Variants in CNMD observed in about 807,000 individuals in gnomAD.
The protein encoded by CNMD is chondromodulin.
In CNMD, 30 loss-of-function variants were observed where a neutral mutation model predicts 37.5. The ratio of observed to expected loss-of-function variants is 0.80; its 90% CI spans 0.60 to 1.09. The LOEUF is 1.09. Ranked by LOEUF, CNMD falls within the 50% of genes least tolerant of loss-of-function variation. The pLI, the probability that CNMD is intolerant of heterozygous loss-of-function variation, is 0.00. For synonymous variants in CNMD, 167 were observed against 148.2 expected, an observed-to-expected ratio of 1.13 and a Z score of -0.92; for missense variants, 398 against 423.9, an observed-to-expected ratio of 0.94 and a Z score of 0.54.
Position 52,703,747 on chromosome 13 carries a change from C to G in CNMD, c.853G>C (p.Glu285Gln), listed in dbSNP as rs747339310. Residue 285 changes from glutamate (E) to glutamine (Q), a missense_variant, in exon 7 of 7, where the codon GAA (glutamate) becomes CAA (glutamine). Glu to Gln is a conservative substitution (Grantham distance 29). Transcript: ENST00000377962. Reference protein sequence around the residue: ...RLDHEGICCIECRRSYTHCQK... With the variant: ...RLDHEGICCIQCRRSYTHCQK... The stretch of plus-strand genomic sequence containing the variant: ...CAGTGGGTGTAGCTCCGCCTACATT[C>G]TATACAACAGATTCCTTCGTGATCC... The G allele has an allele frequency of 8.7e-6, 14 of 1,614,080 alleles. No individual in the cohort carries two copies. The Admixed American group carries it at 1.0e-4, about 12-fold the overall frequency.
rs1964854617 is a variant in CNMD, at chr13:52,739,711, G to A, written c.-10C>T. ...CGGAGTTCTCTGTCATGTTTGCGGC[G>A]GGAGGAGTGAGGCACTTGGAGACTC... is the stretch of plus-strand genomic sequence containing the variant. On this transcript the variant is annotated 5_prime_UTR_variant, in exon 1 of 7. Coordinates refer to ENST00000377962, the MANE Select transcript of CNMD (RefSeq NM_007015.3). This position sits in a 1 kb window ranked among gnomAD's most constrained non-coding sequence, Gnocchi z 5.4. 2 of 1,613,706 alleles carry A rather than the reference G, an allele frequency of 1.2e-6. No individual in the cohort carries two copies. The highest frequency in any genetic ancestry group is 8.5e-7 in the Non-Finnish European group (1 of 1,179,680).
intron 5 of CNMD, among the ~76,000 whole-genome samples, chr13:52,711,538 G>A (rs569126310): frequency 6.6e-6 from 1 of 152,276 alleles, no homozygotes; most frequent in Non-Finnish European, 1.5e-5. Context: ...AGCCCACTGT[G>A]CTGGGCAGCT....
In CNMD at chr13:52,703,515, A is replaced by C. The variant is rs1464681244; in HGVS notation, c.*80T>G. On this transcript the variant is annotated 3_prime_UTR_variant, in exon 7 of 7. Coordinates refer to ENST00000377962, the MANE Select transcript of CNMD (RefSeq NM_007015.3). ...TGTAAAAATATTTTGTGGTCCTATC[A>C]GCATCAACCTGCCTTAATGCTTCTT... 2 of 950,204 alleles carry C rather than the reference A, an allele frequency of 2.1e-6. No individual in the cohort carries two copies. The highest frequency in any genetic ancestry group is 2.4e-5 in the East Asian group (1 of 41,122). The allele number at this position is 950,204 out of a possible 1,614,324, so 58.9% of individuals were successfully genotyped here.
chr13:52,704,387 G>A (rs552186225), intron 6 of CNMD, among the ~76,000 whole-genome samples: 39 of 152,030 alleles, frequency 2.6e-4, no homozygotes, highest in Admixed American at 3.9e-4. Context: ...GGGACAAAGG[G>A]GTCTCAGGAA....
At chr13:52,722,691 A>C (rs1417415893) in intron 4 of CNMD, among the ~76,000 whole-genome samples, 1 of 152,248 alleles carries the variant, frequency 6.6e-6, no homozygotes, top group African/African-American at 2.4e-5. Context: ...CTACCATTAA[A>C]AGTAAGGTAT....
chr13:52,717,929 C>G (rs934477032), intron 4 of CNMD, among the ~76,000 whole-genome samples: 24 of 152,152 alleles, frequency 1.6e-4, no homozygotes, highest in Admixed American at 5.9e-4. Flanking sequence ...ACCAGCTCCT[C>G]TTTGTACCTC....
At chr13:52,734,264 C>T (rs1048497849) in intron 2 of CNMD, among the ~76,000 whole-genome samples, 3 of 152,294 alleles carry the variant, frequency 2.0e-5, no homozygotes, top group African/African-American at 7.2e-5. Flanking sequence ...GTTGGGATCT[C>T]CCGGGCATGG....
rs748967137 is a variant in CNMD, at chr13:52,703,737, C to T, written c.863G>A (p.Arg288Gln). The T allele has an allele frequency of 1.1e-5, 17 of 1,614,104 alleles. No individual in the cohort carries two copies. The highest frequency in any genetic ancestry group is 2.7e-5 in the African/African-American group (2 of 75,030). Reference protein sequence around the residue: ...HEGICCIECRRSYTHCQKICE... With the variant: ...HEGICCIECRQSYTHCQKICE... ...GATCTTCTGGCAGTGGGTGTAGCTCCGCCTACATTCTATACAACAGATTCC... is the reference window on the plus strand; with the variant it reads ...GATCTTCTGGCAGTGGGTGTAGCTCTGCCTACATTCTATACAACAGATTCC... The change falls in exon 7 of 7, where the codon CGG becomes CAG. Residue 288 changes from arginine (R) to glutamine (Q), a missense_variant. By Grantham distance (43) the Arg-to-Gln change is conservative. Coordinates refer to ENST00000377962, the MANE Select transcript of CNMD (RefSeq NM_007015.3).
Position 52,712,772 on chromosome 13 carries a change from AC to A in CNMD, c.565del (p.Val189CysfsTer2). 2 of 1,586,048 alleles carry A rather than the reference AC, an allele frequency of 1.3e-6. No individual in the cohort carries two copies. The highest frequency in any genetic ancestry group is 4.5e-5 in the East Asian group (2 of 44,034). On this transcript the variant is annotated frameshift_variant, in exon 5 of 7. Coordinates refer to ENST00000377962, the MANE Select transcript of CNMD (RefSeq NM_007015.3). LOFTEE classifies it high-confidence loss of function. ...VKDNSFLSSK[V>X]LELCGDLPIF... ...AGGAAGGTCACCGCAGAGTTCTAAC[AC>A]CTTAGAACTCAAGAAGCTGTTGTCC...
intron 3 of CNMD, among the ~76,000 whole-genome samples, chr13:52,730,829 G>A (rs556365476): frequency 6.6e-6 from 1 of 152,174 alleles, no homozygotes; most frequent in East Asian, 1.9e-4. Context: ...TGGAGAGCCT[G>A]GAGCACTTTT....
Position 52,739,031 on chromosome 13 carries a change from G to A in CNMD, c.213C>T (p.His71=), listed in dbSNP as rs199719639. ...AFYFWKGSDS[H]IYNVHYTMSI... Reference sequence around the variant, plus strand: ...CCCGCGCGCCGCCCTCTGGACTTACGTGACTGTCGCTCCCCTTCCAGAAGT... The same window carrying A: ...CCCGCGCGCCGCCCTCTGGACTTACATGACTGTCGCTCCCCTTCCAGAAGT... The change falls in exon 2 of 7, where the codon CAC becomes CAT. Residue 71 remains histidine (H), a splice_region_variant and synonymous_variant. Coordinates refer to ENST00000377962, the MANE Select transcript of CNMD (RefSeq NM_007015.3). The surrounding 1 kb of genome is among the most constrained non-coding windows in gnomAD (Gnocchi z 5.4). 1.3e-6 allele frequency: 2 copies of A among 1,576,664 alleles called. No individual in the cohort carries two copies. Among genetic ancestry groups the A allele is most frequent in the Non-Finnish European group, 1.7e-6 (2 of 1,165,218 alleles).
chr13:52,735,392 A>G (rs1358025797), intron 2 of CNMD, among the ~76,000 whole-genome samples: 1 of 152,094 alleles, frequency 6.6e-6, no homozygotes, highest in African/African-American at 2.4e-5. Context: ...AACATTGCAC[A>G]TAAGCTTTTA....
In CNMD at chr13:52,739,713, G is replaced by A; in HGVS notation, c.-12C>T. 6.2e-7 allele frequency: 1 copy of A among 1,613,418 alleles called. No individual in the cohort carries two copies. The highest frequency in any genetic ancestry group is 8.5e-7 in the Non-Finnish European group (1 of 1,179,416). On this transcript the variant is annotated 5_prime_UTR_variant, in exon 1 of 7. Coordinates refer to ENST00000377962, the MANE Select transcript of CNMD (RefSeq NM_007015.3). The surrounding 1 kb of genome is among the most constrained non-coding windows in gnomAD (Gnocchi z 5.4). ...GAGTTCTCTGTCATGTTTGCGGCGG[G>A]AGGAGTGAGGCACTTGGAGACTCCC...
intron 5 of CNMD, among the ~76,000 whole-genome samples, chr13:52,710,393 G>T (rs1398439688): frequency 1.3e-5 from 2 of 152,218 alleles, no homozygotes; most frequent in Non-Finnish European, 2.9e-5. Context: ...GATTAAATGA[G>T]GACAAAGCGT....
At chr13:52,725,147 TTCCTC>T (rs142749555) in intron 3 of CNMD, among the ~76,000 whole-genome samples, 5,830 of 152,276 alleles carry the variant, frequency 0.038, 134 homozygotes, top group South Asian at 0.064. Context: ...GCAGCTGTCT[TTCCTC>T]TGCTTTCCCA....
chr13:52,728,417 AAC>A, intron 3 of CNMD, among the ~76,000 whole-genome samples: 1 of 152,138 alleles, frequency 6.6e-6, no homozygotes, highest in South Asian at 2.1e-4. Flanking sequence ...TGTTAAATTA[AAC>A]AGTGTTGTGC....
intron 6 of CNMD, 76 bp downstream of exon 6, chr13:52,708,460 C>T (rs559681225): frequency 1.2e-5 from 17 of 1,370,460 alleles, no homozygotes; most frequent in South Asian, 9.8e-5. Context: ...GGATTACAGG[C>T]GTAAGCCACC....
rs61959654 is a variant in CNMD, at chr13:52,708,614, G to A, written c.711C>T (p.Gly237=). ...TGGTTTCATTATTCAGTCTTCCAGCGCCTGGGTTGCTCCGTGGTCCACTGT... is the reference window on the plus strand; with the variant it reads ...TGGTTTCATTATTCAGTCTTCCAGCACCTGGGTTGCTCCGTGGTCCACTGT... ...RPHSGPRSNP[G]AGRLNNETRP... The change falls in exon 6 of 7, where the codon GGC becomes GGT. Residue 237 remains glycine (G), a synonymous_variant. Transcript: ENST00000377962. 0.046 allele frequency: 73,450 copies of A among 1,613,576 alleles called. 1,894 individuals are homozygous for A. The highest frequency in any genetic ancestry group is 0.066 in the Middle Eastern group (397 of 6,060).
chr13:52,723,928 C>G, intron 4 of CNMD, 69 bp downstream of exon 4: 4 of 998,020 alleles, frequency 4.0e-6, no homozygotes, highest in Non-Finnish European at 6.3e-6. Context: ...AAAATAAAAA[C>G]CAAAAGGGTT....
Sources: gnomAD v4.1 joint callset for allele counts (sites outside exome capture counted in the v4.1 genomes callset) on GRCh38, gnomAD v4.1.1 for gene constraint, Gnocchi (gnomAD v3.1) non-coding constraint, MANE v1.5 for transcripts, NCBI Gene and HGNC (gene_info 2026-07-23, HGNC 2026-07-21) for gene names.